CNTN5: variants seen among roughly 807,000 people sequenced by gnomAD.
CNTN5 encodes contactin 5.
In CNTN5, 77 loss-of-function variants were observed where a neutral mutation model predicts 129.1. The observed-to-expected ratio is 0.60, with a 90% CI of 0.50 to 0.72. CNTN5 has a LOEUF of 0.72. CNTN5 is among the 30% of genes least tolerant of loss of function. The pLI is 0.00. For synonymous variants in CNTN5, 509 were observed against 465.6 expected (o/e 1.09, Z -1.20); for missense variants, 1,478 against 1,328.8 (o/e 1.11, Z -1.75).
chr11:99,150,543 AG>A (rs759314690), intron 1 of CNTN5, among the ~76,000 whole-genome samples: 5 of 152,020 alleles, frequency 3.3e-5, no homozygotes, highest in Non-Finnish European at 7.4e-5. Flanking sequence ...TTGTGATTGA[AG>A]AAAATAATAA....
intron 9 of CNTN5, among the ~76,000 whole-genome samples, chr11:100,048,279 A>G (rs1942790818): frequency 6.8e-6 from 1 of 146,468 alleles, no homozygotes; most frequent in Admixed American, 6.9e-5. Context: ...TCAAACTTTC[A>G]ACTTCAAATA....
chr11:99,754,288 AATATACAC>A (rs894500634), intron 3 of CNTN5, among the ~76,000 whole-genome samples: 1 of 152,212 alleles, frequency 6.6e-6, no homozygotes, highest in African/African-American at 2.4e-5. Context: ...TTCTAAAAGG[AATATACAC>A]ATTTCTGTCT....
intron 2 of CNTN5, among the ~76,000 whole-genome samples, chr11:99,414,669 C>A (rs1299251112): frequency 6.6e-6 from 1 of 152,002 alleles, no homozygotes; most frequent in Non-Finnish European, 1.5e-5. Context: ...GACATCTGAG[C>A]AGGACCTGAA....
chr11:99,741,091 T>C (rs1329698284), intron 3 of CNTN5, among the ~76,000 whole-genome samples: 1 of 152,224 alleles, frequency 6.6e-6, no homozygotes, highest in African/African-American at 2.4e-5. Flanking sequence ...ATGTGTTGTC[T>C]GGAACATTTA....
At chr11:99,433,178 A>G (rs1943459262) in intron 2 of CNTN5, among the ~76,000 whole-genome samples, 1 of 152,220 alleles carries the variant, frequency 6.6e-6, no homozygotes, top group African/African-American at 2.4e-5. Flanking sequence ...CTGTAGAGAA[A>G]ACATGACTGC....
At position 99,273,590 on chromosome 11, in the gene CNTN5, A is replaced by G. The variant is rs574461090; in HGVS notation, c.-209-51756A>G. On this transcript the variant is annotated intron_variant, in intron 1 of 24. Coordinates refer to ENST00000524871, the MANE Select transcript of CNTN5 (RefSeq NM_014361.4). ...TGTCACACGTTCATGCTGTAAAAAT[A>G]TATTGTTCCCAAATCTCTGTATCTC... Among the ~76,000 whole-genome samples, 21 of 151,848 alleles carry G rather than the reference A, an allele frequency of 1.4e-4. No individual in the cohort carries two copies. In the South Asian group the frequency reaches 3.7e-3, roughly 27 times the overall value.
intron 6 of CNTN5, among the ~76,000 whole-genome samples, chr11:99,915,638 G>C (rs546751870): frequency 6.6e-6 from 1 of 152,156 alleles, no homozygotes; most frequent in East Asian, 1.9e-4. Flanking sequence ...ATCATTCTTA[G>C]CCTGACATAT....
intron 2 of CNTN5, among the ~76,000 whole-genome samples, chr11:99,335,731 T>A (rs1591538015): frequency 1.3e-5 from 2 of 151,888 alleles, no homozygotes; most frequent in African/African-American, 4.8e-5. Context: ...TGGGTGAGGG[T>A]TGACTTTAGG....
chr11:99,254,749 A>G (rs1221323687), intron 1 of CNTN5, among the ~76,000 whole-genome samples: 2 of 152,018 alleles, frequency 1.3e-5, no homozygotes, highest in Non-Finnish European at 2.9e-5. Flanking sequence ...AATGTATGCT[A>G]TCATTTAATT....
chr11:99,906,999 T>C (rs143790559), intron 6 of CNTN5, among the ~76,000 whole-genome samples: 8,871 of 152,198 alleles, frequency 0.058, 870 homozygotes, highest in African/African-American at 0.2. Flanking sequence ...ATTGTGTCTA[T>C]TTGATTCTTC....
chr11:99,651,631 G>A (rs1375434664), intron 3 of CNTN5, among the ~76,000 whole-genome samples: 1 of 151,760 alleles, frequency 6.6e-6, no homozygotes, highest in East Asian at 1.9e-4. Context: ...AGAACAGACT[G>A]GTTTAAAAAA....
At chr11:99,048,922 C>G (rs1487219795) in intron 1 of CNTN5, among the ~76,000 whole-genome samples, 6 of 152,158 alleles carry the variant, frequency 3.9e-5, no homozygotes, top group African/African-American at 1.4e-4. Context: ...GATTAACAAT[C>G]CATGACTACA....
intron 1 of CNTN5, among the ~76,000 whole-genome samples, chr11:99,093,373 C>A (rs1220208424): frequency 6.6e-6 from 1 of 151,498 alleles, no homozygotes. Flanking sequence ...AAGCATAAAT[C>A]AAATAAGATA....
chr11:99,204,390 G>C (rs1859368218), intron 1 of CNTN5, among the ~76,000 whole-genome samples: 1 of 152,112 alleles, frequency 6.6e-6, no homozygotes, highest in Non-Finnish European at 1.5e-5. Context: ...TAAAGAAAAT[G>C]TTAAGGTTTG....
intron 15 of CNTN5, among the ~76,000 whole-genome samples, chr11:100,209,101 C>T (rs1352222336): frequency 6.6e-6 from 1 of 152,192 alleles, no homozygotes; most frequent in Non-Finnish European, 1.5e-5. Context: ...AAGTCACTTA[C>T]AGAAGCACAG....
At chr11:99,697,861 G>T (rs925789223) in intron 3 of CNTN5, among the ~76,000 whole-genome samples, 11 of 151,604 alleles carry the variant, frequency 7.3e-5, no homozygotes, top group African/African-American at 2.7e-4. Flanking sequence ...CCAGTCATAT[G>T]ATTTAAAAGC....
intron 2 of CNTN5, among the ~76,000 whole-genome samples, chr11:99,430,372 T>C (rs1943311996): frequency 1.3e-5 from 2 of 148,234 alleles, no homozygotes; most frequent in African/African-American, 4.9e-5. Context: ...TATATATGTG[T>C]GCACGCATGT....
chr11:99,737,986 T>A (rs181030324), intron 3 of CNTN5, among the ~76,000 whole-genome samples: 1 of 152,306 alleles, frequency 6.6e-6, no homozygotes, highest in Admixed American at 6.5e-5. Context: ...CTTCTTCAAG[T>A]TTAGTTGAGG....
At chr11:99,346,329 A>G (rs548468988) in intron 2 of CNTN5, among the ~76,000 whole-genome samples, 6 of 152,346 alleles carry the variant, frequency 3.9e-5, no homozygotes, top group South Asian at 4.1e-4. Flanking sequence ...GAACTAATGT[A>G]TTTTCAAAAG....
Sources: allele counts gnomAD v4.1 joint callset (sites outside exome capture counted in the v4.1 genomes callset), GRCh38; gene constraint gnomAD v4.1.1; transcripts MANE v1.5; gene names NCBI Gene and HGNC (gene_info 2026-07-23, HGNC 2026-07-21).